Variants in PHKA1 observed in about 807,000 individuals in gnomAD.
PHKA1 encodes the protein phosphorylase kinase regulatory subunit alpha 1.
PHKA1 carries 60 observed loss-of-function variants against 110.2 expected under a neutral mutation model. That is an observed-to-expected ratio of 0.54 (90% CI 0.44 to 0.68). The LOEUF (loss-of-function observed/expected upper bound fraction) is 0.68. Among genes scored for constraint, PHKA1 ranks in the 30% least tolerant of loss-of-function variants. PHKA1 has a pLI of 0.00. For synonymous variants in PHKA1, 316 were observed against 333.6 expected (o/e 0.95, Z 0.58); for missense variants, 801 against 942.5 (o/e 0.85, Z 1.97).
In PHKA1 at chrX:72,594,492, G is replaced by A. The variant is rs782779447; in HGVS notation, c.3073-1218C>T. ...AAAGGATTATAAGGGCATACCATCC[G>A]CAGCCATATGCGGACAAATTACATA... On this transcript the variant is annotated intron_variant, in intron 28 of 31. Transcript: ENST00000373542. Among the ~76,000 whole-genome samples the A allele has an allele frequency of 5.3e-5, 6 of 112,218 alleles. No homozygotes were observed. In the East Asian group the frequency reaches 1.7e-3, roughly 32 times the overall value.
At chrX:72,605,011 A>C (rs2052707867) in intron 25 of PHKA1, among the ~76,000 whole-genome samples, 1 of 111,488 alleles carries the variant, frequency 9.0e-6, no homozygotes, top group African/African-American at 3.3e-5. Flanking sequence ...TGAAGTTAGC[A>C]ACGAGTGATA....
chrX:72,687,746 G>A (rs782756586), intron 4 of PHKA1, among the ~76,000 whole-genome samples: 16 of 110,837 alleles, frequency 1.4e-4, no homozygotes, highest in African/African-American at 4.9e-4. Flanking sequence ...AAATTAGTCC[G>A]TTGCACATCA....
At chrX:72,637,486 T>G (rs936290726) in intron 14 of PHKA1, among the ~76,000 whole-genome samples, 2 of 112,196 alleles carry the variant, frequency 1.8e-5, no homozygotes, top group Admixed American at 1.9e-4. Flanking sequence ...TGTTTCCACT[T>G]TTTGGCTATT....
At chrX:72,699,532 A>T (rs1044210995) in intron 3 of PHKA1, among the ~76,000 whole-genome samples, 1 of 106,022 alleles carries the variant, frequency 9.4e-6, no homozygotes, top group Non-Finnish European at 1.9e-5. Flanking sequence ...AAAAAAAAAA[A>T]GAGGGATGTT....
intron 16 of PHKA1, among the ~76,000 whole-genome samples, chrX:72,632,689 T>A (rs1556288982): frequency 8.9e-6 from 1 of 111,877 alleles, no homozygotes; most frequent in Non-Finnish European, 1.9e-5. Context: ...CTAATGTTTA[T>A]TCTCTTTTCA....
chrX:72,588,459 C>T (rs5912106), intron 29 of PHKA1, among the ~76,000 whole-genome samples: 18,918 of 110,889 alleles, frequency 0.17, 1,642 homozygotes, highest in Non-Finnish European at 0.26. Flanking sequence ...GCACTAAATG[C>T]CCACAAGAGA....
intron 29 of PHKA1, among the ~76,000 whole-genome samples, chrX:72,584,949 T>TGTCCAAG (rs1263746875): frequency 1.1e-5 from 1 of 88,513 alleles, no homozygotes; most frequent in Non-Finnish European, 2.1e-5. Flanking sequence ...CCCCATCCTG[T>TGTCCAAG]GTCCAAGTGT....
At chrX:72,684,305 C>G (rs138572373) in intron 5 of PHKA1, among the ~76,000 whole-genome samples, 193 bp downstream of exon 5, 1 of 111,547 alleles carries the variant, frequency 9.0e-6, no homozygotes, top group African/African-American at 3.3e-5. Flanking sequence ...ACCCTCTTGT[C>G]TCTGTAACCC....
chrX:72,584,221 C>T (rs2052380519), intron 30 of PHKA1, 28 bp downstream of exon 30: 2 of 1,141,845 alleles, frequency 1.8e-6, no homozygotes, highest in Admixed American at 4.4e-5. Flanking sequence ...TTATCAGTCA[C>T]ATAAATGTGC....
chrX:72,656,368 G>T, intron 9 of PHKA1, 126 bp from the exon 10 acceptor site: 1 of 668,003 alleles, frequency 1.5e-6, no homozygotes, highest in Non-Finnish European at 2.4e-6. Context: ...AGCAGAGCAT[G>T]TACATACTCC....
chrX:72,619,400 G>A, intron 19 of PHKA1, 95 bp from the exon 20 acceptor site: 1 of 538,156 alleles, frequency 1.9e-6, no homozygotes, highest in Admixed American at 2.7e-5. Flanking sequence ...ATGTGAGTCA[G>A]TTCTTCATAG....
Position 72,713,873 on chromosome X carries a change from C to T in PHKA1, c.8G>A (p.Ser3Asn), listed in dbSNP as rs782367579. Residue 3 changes from serine to asparagine, a missense_variant, in exon 1 of 32, where the codon AGC (serine) becomes AAC (asparagine). Around this residue, in one of 2 missense-constraint regions of PHKA1, gnomAD observed 299 missense variants for 423.3 expected, o/e 0.71. Transcript: ENST00000373542. Reference protein sequence around the residue: MRSRSNSGVRLDG... With the variant: MRNRSNSGVRLDG... ...CAGCCGGACCCCGGAGTTACTCCGG[C>T]TCCTCATGGCGACACGTTACTAATT... 3.3e-6 allele frequency: 4 copies of T among 1,201,052 alleles called. No individual in the cohort carries two copies. The highest frequency in any genetic ancestry group is 3.0e-5 in the East Asian group (1 of 33,793).
intron 17 of PHKA1, among the ~76,000 whole-genome samples, 159 bp from the exon 18 acceptor site, chrX:72,623,434 C>T (rs2053008775): frequency 9.0e-6 from 1 of 111,078 alleles, no homozygotes; most frequent in Admixed American, 9.6e-5. Flanking sequence ...TACAGCACTC[C>T]TAGGCATGGT....
At chrX:72,627,556 C>G (rs1274310119) in intron 16 of PHKA1, among the ~76,000 whole-genome samples, 1 of 112,036 alleles carries the variant, frequency 8.9e-6, no homozygotes, top group Non-Finnish European at 1.9e-5. Context: ...TCTAACTTTA[C>G]CTTTGTAATA....
chrX:72,641,645 A>G (rs991517512), intron 14 of PHKA1, among the ~76,000 whole-genome samples: 1 of 112,010 alleles, frequency 8.9e-6, no homozygotes, highest in Admixed American at 9.5e-5. Flanking sequence ...ACAATGAAAT[A>G]CTGAGCATTT....
intron 6 of PHKA1, among the ~76,000 whole-genome samples, chrX:72,670,547 C>T (rs1392866438): frequency 2.1e-4 from 23 of 111,659 alleles, no homozygotes; most frequent in Admixed American, 1.4e-3. Context: ...ACTATTCCAA[C>T]CAATAGAAAA....
intron 28 of PHKA1, among the ~76,000 whole-genome samples, chrX:72,594,003 A>G (rs2052558605): frequency 9.0e-6 from 1 of 111,700 alleles, no homozygotes; most frequent in African/African-American, 3.3e-5. Context: ...CAGTAATCGA[A>G]ATAAATTAAG....
chrX:72,615,920 A>AT (rs2052890000), intron 21 of PHKA1, among the ~76,000 whole-genome samples: 1 of 112,389 alleles, frequency 8.9e-6, no homozygotes, highest in African/African-American at 3.2e-5. Context: ...AGCTTAATGA[A>AT]TAAAAAAAGC....
At chrX:72,686,250 G>A (rs188605306) in intron 4 of PHKA1, among the ~76,000 whole-genome samples, 4 of 111,701 alleles carry the variant, frequency 3.6e-5, no homozygotes, top group East Asian at 5.6e-4. Flanking sequence ...AAACTGTGCC[G>A]AAGGATAACC....
Sources: gnomAD v4.1 joint callset for allele counts (sites outside exome capture counted in the v4.1 genomes callset) on GRCh38, gnomAD v4.1.1 for gene constraint, gnomAD v4.1.1 regional missense constraint, MANE v1.5 for transcripts, NCBI Gene and HGNC (gene_info 2026-07-23, HGNC 2026-07-21) for gene names.